Variants in RERE observed in about 807,000 individuals in gnomAD.
The protein encoded by RERE is arginine-glutamic acid dipeptide repeats protein.
A neutral mutation model predicts 146.1 loss-of-function variants in RERE; 40 were observed. The ratio of observed to expected loss-of-function variants is 0.27; its 90% CI spans 0.21 to 0.36. RERE has a LOEUF of 0.36. Ranked by LOEUF, RERE falls within the 10% of genes least tolerant of loss-of-function variation. RERE has a pLI of 1.00. For synonymous variants in RERE, 1,003 were observed against 866.0 expected, an observed-to-expected ratio of 1.16 and a Z score of -2.78; for missense variants, 1,933 against 2,138.7, an observed-to-expected ratio of 0.90 and a Z score of 1.90.
Position 8,633,478 on chromosome 1 carries a change from A to ACAC in RERE, c.326-9099_326-9098insGTG, listed in dbSNP as rs1557446646. On this transcript the variant is annotated intron_variant, in intron 2 of 22. Transcript: ENST00000400908. Reference sequence around the variant, plus strand: ...AGACACACACACACACACACACACAAAAATGTACTTCTGAGTGTTAGTTAC... The same window carrying ACAC: ...AGACACACACACACACACACACACAACACAAATGTACTTCTGAGTGTTAGTTAC... Among the ~76,000 whole-genome samples, 391 of 149,368 alleles carry ACAC rather than the reference A, an allele frequency of 2.6e-3. 1 individual carries two copies. Among genetic ancestry groups the ACAC allele is most frequent in the African/African-American group, 8.2e-3 (334 of 40,966 alleles).
chr1:8,803,655 C>T (rs1233662105), intron 1 of RERE, among the ~76,000 whole-genome samples: 1 of 151,936 alleles, frequency 6.6e-6, no homozygotes, highest in Non-Finnish European at 1.5e-5. Context: ...CTTGACCTCC[C>T]AAGCTAAATC....
chr1:8,634,789 G>A (rs919993620), intron 2 of RERE, among the ~76,000 whole-genome samples: 3 of 152,180 alleles, frequency 2.0e-5, no homozygotes, highest in Admixed American at 1.3e-4. Context: ...AGGCTGGAGT[G>A]CAGTGGCGCG....
At chr1:8,421,909 T>C (rs1643915391) in intron 12 of RERE, among the ~76,000 whole-genome samples, 1 of 152,178 alleles carries the variant, frequency 6.6e-6, no homozygotes, top group Non-Finnish European at 1.5e-5. Context: ...GTGGAGTGGC[T>C]GCTCCAACTC....
chr1:8,733,100 C>T (rs1640125634), intron 1 of RERE, among the ~76,000 whole-genome samples: 1 of 152,006 alleles, frequency 6.6e-6, no homozygotes, highest in Non-Finnish European at 1.5e-5. Context: ...GGATTACAGG[C>T]GTGAGCCACC....
chr1:8,738,492 C>T (rs1461121307), intron 1 of RERE, among the ~76,000 whole-genome samples: 2 of 151,842 alleles, frequency 1.3e-5, no homozygotes, highest in South Asian at 2.1e-4. Context: ...AGCCTATTCA[C>T]GCCTTTCTGA....
intron 7 of RERE, among the ~76,000 whole-genome samples, chr1:8,518,181 G>A (rs1303068881): frequency 6.6e-6 from 1 of 152,220 alleles, no homozygotes; most frequent in Non-Finnish European, 1.5e-5. Flanking sequence ...AGATGAGGGA[G>A]GAGGATAGAG....
chr1:8,743,645 T>C (rs1640360946), intron 1 of RERE, among the ~76,000 whole-genome samples: 1 of 152,094 alleles, frequency 6.6e-6, no homozygotes. Flanking sequence ...ACATGCATAG[T>C]CTGATCAAGA....
At chr1:8,404,730 G>T (rs1041340136) in intron 12 of RERE, among the ~76,000 whole-genome samples, 1 of 152,190 alleles carries the variant, frequency 6.6e-6, no homozygotes, top group Non-Finnish European at 1.5e-5. Flanking sequence ...TCACAGCAGG[G>T]TCGACAACCC....
At chr1:8,365,440 C>G (rs932848655) in intron 13 of RERE, among the ~76,000 whole-genome samples, 1 of 152,090 alleles carries the variant, frequency 6.6e-6, no homozygotes, top group Non-Finnish European at 1.5e-5. Flanking sequence ...CTTCTTACAA[C>G]CAAAAGTGCA....
Position 8,423,406 on chromosome 1 carries a change from C to T in RERE, c.1204-599G>A, listed in dbSNP as rs1356427356. On this transcript the variant is annotated intron_variant, in intron 11 of 22. Coordinates refer to ENST00000400908, the MANE Select transcript of RERE (RefSeq NM_001042681.2). The surrounding 1 kb of genome is among the most constrained non-coding windows in gnomAD (Gnocchi z 5.4). Reference sequence around the variant, plus strand: ...CTCCGAGACACCAGAGAATAACCAGCACCCCTTCCGCCCTCCCGACGCCAC... The same window carrying T: ...CTCCGAGACACCAGAGAATAACCAGTACCCCTTCCGCCCTCCCGACGCCAC... 1 of 340,480 alleles carries T rather than the reference C, an allele frequency of 2.9e-6. No individual in the cohort carries two copies. Among genetic ancestry groups the T allele is most frequent in the Non-Finnish European group, 4.2e-6 (1 of 239,896 alleles). The allele number at this position is 340,480 out of a possible 1,614,324, so 21.1% of individuals were successfully genotyped here. A position where few individuals can be genotyped will look rare whatever the true frequency, so the allele number is the denominator to read the frequency against.
At chr1:8,421,135 A>T (rs1354604745) in intron 12 of RERE, among the ~76,000 whole-genome samples, 1 of 152,238 alleles carries the variant, frequency 6.6e-6, no homozygotes, top group Non-Finnish European at 1.5e-5. Context: ...TTGTCAAGAT[A>T]GTTCTGTATC....
intron 12 of RERE, among the ~76,000 whole-genome samples, chr1:8,392,931 A>G (rs796340801): frequency 6.6e-5 from 10 of 152,354 alleles, no homozygotes; most frequent in African/African-American, 2.2e-4. Flanking sequence ...CATTTCATAG[A>G]AAATGAAAGG....
chr1:8,384,433 G>A (rs1326348147), intron 12 of RERE, among the ~76,000 whole-genome samples: 1 of 152,162 alleles, frequency 6.6e-6, no homozygotes, highest in Non-Finnish European at 1.5e-5. Context: ...TATCTTAAAG[G>A]GGCATTAATA....
chr1:8,560,862 T>C (rs1646070314), intron 4 of RERE, among the ~76,000 whole-genome samples: 1 of 152,220 alleles, frequency 6.6e-6, no homozygotes, highest in Non-Finnish European at 1.5e-5. Flanking sequence ...CACAGAAATG[T>C]ATTACTTCAC....
At chr1:8,650,951 G>T (rs1647597264) in intron 2 of RERE, among the ~76,000 whole-genome samples, 1 of 151,210 alleles carries the variant, frequency 6.6e-6, no homozygotes, top group Non-Finnish European at 1.5e-5. Context: ...AAATAAATTA[G>T]CTGGGTGTAG....
intron 1 of RERE, among the ~76,000 whole-genome samples, chr1:8,816,119 G>A (rs539896589): frequency 1.3e-5 from 2 of 152,112 alleles, no homozygotes; most frequent in Admixed American, 6.5e-5. Context: ...TAGACAAAAA[G>A]GTCTCTCTTT....
chr1:8,367,505 A>G (rs1641858324), intron 12 of RERE, among the ~76,000 whole-genome samples: 1 of 152,052 alleles, frequency 6.6e-6, no homozygotes, highest in African/African-American at 2.4e-5. Flanking sequence ...ACGTGTCTCA[A>G]CCTCCCCAAG....
rs192631930 is a variant in RERE at position 8,562,749 on chromosome 1, A to T, written c.523-5226T>A. Among the ~76,000 whole-genome samples, 15 of 152,238 alleles carry T rather than the reference A, an allele frequency of 9.9e-5. No homozygotes were observed. The East Asian group carries it at 2.3e-3, about 24-fold the overall frequency. ...ATAAAGTTTCAGGACTCTGGGCAAA[A>T]AAAAGGGGAGGGGGAGTTGTTTCTG... is the stretch of plus-strand genomic sequence containing the variant. On this transcript the variant is annotated intron_variant, in intron 4 of 22. Coordinates refer to ENST00000400908, the MANE Select transcript of RERE (RefSeq NM_001042681.2).
At chr1:8,368,483 G>GAA (rs70990563) in intron 12 of RERE, among the ~76,000 whole-genome samples, 2 of 76,338 alleles carry the variant, frequency 2.6e-5, no homozygotes, top group African/African-American at 1.4e-4. Context: ...CAAAGAAAAA[G>GAA]AAAAAAAAAA....
Sources: gnomAD v4.1 joint callset for allele counts (sites outside exome capture counted in the v4.1 genomes callset) on GRCh38, gnomAD v4.1.1 for gene constraint, Gnocchi (gnomAD v3.1) non-coding constraint, MANE v1.5 for transcripts, NCBI Gene and HGNC (gene_info 2026-07-23, HGNC 2026-07-21) for gene names.